Variants in LTO1 observed in about 807,000 individuals in gnomAD.
LTO1 encodes the protein LTO1 maturation factor of ABCE1.
Under a neutral mutation model 19.8 loss-of-function variants are expected in LTO1, and 18 were observed. The observed-to-expected ratio is 0.91, with a 90% CI of 0.63 to 1.35. LTO1 has a LOEUF of 1.35. LTO1 is among the 40% of genes most tolerant of loss of function. The pLI is 0.00. For missense variants in LTO1, 175 were observed against 167.9 expected (o/e 1.04, Z -0.23); for synonymous variants, 59 against 59.6 (o/e 0.99, Z 0.05).
At position 69,671,788 on chromosome 11, in the gene LTO1, C is replaced by T. The variant is rs147955554; in HGVS notation, c.188G>A (p.Trp63Ter). ...GGTGCAACTGTGCAGTAGACATTTC[C>T]ATGCAAAAGCAAAACCTTGGTAGCA... ...IGCYQGFAFA[W>*]KCLLHSCTTE... Residue 63 changes from tryptophan to a stop codon, truncating the protein, a stop_gained, in exon 3 of 5, where the codon TGG becomes TAG. Transcript: ENST00000279147. LOFTEE classifies it high-confidence loss of function. The T allele has an allele frequency of 5.0e-6, 8 of 1,604,760 alleles. No homozygotes were observed. Among genetic ancestry groups the T allele is most frequent in the African/African-American group, 4.0e-5 (3 of 74,722 alleles).
intron 4 of LTO1, 56 bp from the exon 5 acceptor site, chr11:69,667,643 A>G (rs1856051855): frequency 6.6e-6 from 8 of 1,220,408 alleles, no homozygotes; most frequent in Non-Finnish European, 9.7e-6. Flanking sequence ...CTGAAAAATG[A>G]GAAGATAACT....
chr11:69,674,225 G>A (rs897024242), intron 1 of LTO1, among the ~76,000 whole-genome samples: 1 of 152,192 alleles, frequency 6.6e-6, no homozygotes, highest in African/African-American at 2.4e-5. Context: ...AGTTCTGTGA[G>A]TGTTCAAGTA....
chr11:69,671,906 G>A (rs1856115308), intron 2 of LTO1, 87 bp from the exon 3 acceptor site: 2 of 800,416 alleles, frequency 2.5e-6, no homozygotes, highest in African/African-American at 3.4e-5. Flanking sequence ...AAAGGTGGGG[G>A]CAGAAGGCAG....
At chr11:69,671,034 G>T (rs921802808) in intron 3 of LTO1, among the ~76,000 whole-genome samples, 3 of 152,222 alleles carry the variant, frequency 2.0e-5, no homozygotes, top group South Asian at 2.1e-4. Context: ...CCGAGTAGCT[G>T]GCACTACAGA....
chr11:69,674,153 C>T (rs781586406), intron 1 of LTO1, among the ~76,000 whole-genome samples: 1 of 152,022 alleles, frequency 6.6e-6, no homozygotes, highest in Non-Finnish European at 1.5e-5. Context: ...GCATCTGGCC[C>T]GGAATCTACT....
chr11:69,673,273 C>G lies in LTO1; in HGVS notation c.99G>C (p.Leu33Phe). 1 of 1,613,862 alleles carries G rather than the reference C, an allele frequency of 6.2e-7. No homozygotes were observed. Residue 33 changes from leucine (L) to phenylalanine (F), a missense_variant, in exon 2 of 5, where the codon TTG becomes TTC. By Grantham distance (22) the Leu-to-Phe change is conservative (BLOSUM62 0). Transcript: ENST00000279147. ...CATGCTGCCTTCCCTCCATCACACC[C>G]AAACTACTGCCTTCTTCATAGCCTT... The part of the protein sequence containing the change: ...YREGYEEGSS[L>F]GVMEGRQHGT...
At chr11:69,669,559 T>C (rs1856078776) in intron 3 of LTO1, among the ~76,000 whole-genome samples, 1 of 152,208 alleles carries the variant, frequency 6.6e-6, no homozygotes, top group African/African-American at 2.4e-5. Context: ...GAGGTGGCTG[T>C]ATGCTAACCC....
At chr11:69,673,151 A>G in intron 2 of LTO1, 65 bp downstream of exon 2, 1 of 943,128 alleles carries the variant, frequency 1.1e-6, no homozygotes, top group Admixed American at 1.7e-5. Flanking sequence ...ATCACACTGA[A>G]TATCGAAATA....
intron 3 of LTO1, 44 bp downstream of exon 3, chr11:69,671,705 C>T: frequency 9.2e-7 from 1 of 1,089,598 alleles, no homozygotes; most frequent in Non-Finnish European, 1.4e-6. Context: ...GGAACTAGAA[C>T]TCCTGGTTCC....
At chr11:69,673,081 G>A (rs1412520951) in intron 2 of LTO1, 135 bp downstream of exon 2, 2 of 711,646 alleles carry the variant, frequency 2.8e-6, no homozygotes, top group East Asian at 5.4e-5. Context: ...GGGATTACAG[G>A]TGTGAGTCAC....
In LTO1 at chr11:69,675,260, T is replaced by C. The variant is rs772817558; in HGVS notation, c.-21A>G. On this transcript the variant is annotated 5_prime_UTR_variant, in exon 1 of 5. Coordinates refer to ENST00000279147, the MANE Select transcript of LTO1 (RefSeq NM_153451.3). ...GCCATAGCGGCAAGCAGCCCGCCCT[T>C]GGCCCCCGGGTTTCTGCAGCCCCGC... 11 of 1,485,356 alleles carry C rather than the reference T, an allele frequency of 7.4e-6. No individual in the cohort carries two copies. Among genetic ancestry groups the C allele is most frequent in the Admixed American group, 2.5e-5 (1 of 40,324 alleles). The allele number at this position is 1,485,356 out of a possible 1,614,324, so 92.0% of individuals were successfully genotyped here.
In LTO1 at chr11:69,675,328, C is replaced by T; in HGVS notation, c.-89G>A. The T allele has an allele frequency of 2.7e-6, 3 of 1,115,844 alleles. No individual in the cohort carries two copies. 69.1% of individuals were successfully genotyped at this position (1,115,844 alleles called of 1,614,324 possible). ...GGCAGCTTCAGGCACAAATGCTCCG[C>T]TTGGGAGGAGACGAGACCCACTTCC... On this transcript the variant is annotated 5_prime_UTR_variant, in exon 1 of 5. Transcript: ENST00000279147.
rs1223778620 is a variant in LTO1 at position 69,671,902 on chromosome 11, G to A, written c.157-83C>T. 7 of 821,574 alleles carry A rather than the reference G, an allele frequency of 8.5e-6. No individual in the cohort carries two copies. The African/African-American group carries it at 1.2e-4, about 14-fold the overall frequency. 50.9% of individuals were successfully genotyped at this position (821,574 alleles called of 1,614,324 possible). ...TTACCAAGATCTCAAAACAAAAGGTGGGGGCAGAAGGCAGCGGTGCTTCTC... is the reference window on the plus strand; with the variant it reads ...TTACCAAGATCTCAAAACAAAAGGTAGGGGCAGAAGGCAGCGGTGCTTCTC... On this transcript the variant is annotated intron_variant, in intron 2 of 4. Transcript: ENST00000279147.
intron 2 of LTO1, 33 bp from the exon 3 acceptor site, chr11:69,671,852 T>G: frequency 7.8e-7 from 1 of 1,276,838 alleles, no homozygotes; most frequent in Non-Finnish European, 1.1e-6. Context: ...AGAGTGAAAT[T>G]AATAAGCAAC....
chr11:69,671,673 C>A, intron 3 of LTO1, 76 bp downstream of exon 3: 1 of 822,136 alleles, frequency 1.2e-6, no homozygotes, highest in South Asian at 1.3e-5. Context: ...ATTGATTACT[C>A]AAGGGCATGC....
rs141654051 is a variant in LTO1, at chr11:69,674,631, C to T, written c.50+559G>A. 2.3e-4 allele frequency: 89 copies of T among 387,080 alleles called. 1 individual carries two copies. In the East Asian group the frequency reaches 6.2e-3, roughly 27 times the overall value. The allele number at this position is 387,080 out of a possible 1,614,324, so 24.0% of individuals were successfully genotyped here. On this transcript the variant is annotated intron_variant, in intron 1 of 4. Coordinates refer to ENST00000279147, the MANE Select transcript of LTO1 (RefSeq NM_153451.3). ...ACAGCGCGAGCTAAATAAACGTCAG[C>T]GCCTGACTGCTAAATGTTCGGCCGC... is the stretch of plus-strand genomic sequence containing the variant.
chr11:69,670,722 C>A (rs755093976), intron 3 of LTO1, among the ~76,000 whole-genome samples: 9 of 152,224 alleles, frequency 5.9e-5, no homozygotes, highest in Non-Finnish European at 1.0e-4. Flanking sequence ...CCACGCTAGG[C>A]AAGGCCACCA....
At chr11:69,674,663 A>C (rs762217637) in intron 1 of LTO1, 1 of 418,186 alleles carries the variant, frequency 2.4e-6, no homozygotes. Context: ...CCGCTTTCTT[A>C]ACTAACATCT....
At chr11:69,674,991 C>A (rs1856168629) in intron 1 of LTO1, 199 bp downstream of exon 1, 1 of 693,804 alleles carries the variant, frequency 1.4e-6, no homozygotes, top group Non-Finnish European at 2.6e-6. Flanking sequence ...TGGGCACGTG[C>A]CCCGCCGGAG....
Sources: gnomAD v4.1 joint callset for allele counts (sites outside exome capture counted in the v4.1 genomes callset) on GRCh38, gnomAD v4.1.1 for gene constraint, MANE v1.5 for transcripts, NCBI Gene and HGNC (gene_info 2026-07-23, HGNC 2026-07-21) for gene names.